DSCAML1: variants seen among roughly 807,000 people sequenced by gnomAD.
DSCAML1 encodes the protein DS cell adhesion molecule like 1, also known as cell adhesion molecule DSCAML1.
Under a neutral mutation model 200.5 loss-of-function variants are expected in DSCAML1, and 38 were observed. That is an observed-to-expected ratio of 0.19 (90% confidence interval 0.15 to 0.25). DSCAML1 has a LOEUF of 0.25. DSCAML1 is among the 10% of genes least tolerant of loss of function. The probability of loss-of-function intolerance (pLI) is 1.00; values close to 1 mark genes in which losing one functional copy is unlikely to be tolerated. For missense variants in DSCAML1, 2,223 were observed against 2,858.8 expected (o/e 0.78, Z 5.07); for synonymous variants, 1,215 against 1,165.0 (o/e 1.04, Z -0.87).
intron 3 of DSCAML1, among the ~76,000 whole-genome samples, chr11:117,620,029 A>T (rs762637609): frequency 3.3e-5 from 5 of 152,352 alleles, no homozygotes; most frequent in Non-Finnish European, 7.3e-5. Flanking sequence ...AAAAATTAGC[A>T]AATTTCGTGA....
At chr11:117,497,027 C>T (rs1394331166) in intron 11 of DSCAML1, among the ~76,000 whole-genome samples, 1 of 152,158 alleles carries the variant, frequency 6.6e-6, no homozygotes, top group Non-Finnish European at 1.5e-5. Flanking sequence ...TTCATCTTTC[C>T]TATAGCTCCC....
chr11:117,548,473 G>A (rs1256550162), intron 3 of DSCAML1, among the ~76,000 whole-genome samples: 1 of 152,176 alleles, frequency 6.6e-6, no homozygotes, highest in Non-Finnish European at 1.5e-5. Context: ...CTCTCTTAAA[G>A]TCCAGCTAAC....
chr11:117,755,352 A>C (rs544811976), intron 3 of DSCAML1, among the ~76,000 whole-genome samples: 1 of 152,310 alleles, frequency 6.6e-6, no homozygotes, highest in East Asian at 1.9e-4. Flanking sequence ...AAATGTTAGA[A>C]GCTAATCCAG....
intron 4 of DSCAML1, among the ~76,000 whole-genome samples, chr11:117,527,830 T>G (rs2050004964): frequency 6.6e-6 from 1 of 152,218 alleles, no homozygotes; most frequent in Non-Finnish European, 1.5e-5. Context: ...AAAGAATCTC[T>G]GTTCTCTTCC....
Position 117,437,241 on chromosome 11 carries a change from C to T in DSCAML1, c.4601G>A (p.Gly1534Glu). 2 of 1,614,254 alleles carry T rather than the reference C, an allele frequency of 1.2e-6. No individual in the cohort carries two copies. Among genetic ancestry groups the T allele is most frequent in the Non-Finnish European group, 1.7e-6 (2 of 1,180,050 alleles). The change falls in exon 26 of 33, where the codon GGG becomes GAG. Residue 1534 changes from glycine (G) to glutamate (E), a missense_variant. Transcript: ENST00000651296. This position sits in a 1 kb window ranked among gnomAD's most constrained non-coding sequence, Gnocchi z 5.3. Reference protein sequence around the residue: ...AWQGLRANSSGEVFLTELREA... With the variant: ...AWQGLRANSSEEVFLTELREA... The stretch of plus-strand genomic sequence containing the variant: ...TCGCAGTTCCGTCAGAAACACCTCC[C>T]CGGAGCTGTTGGCCCGGAGGCCCTG...
intron 3 of DSCAML1, among the ~76,000 whole-genome samples, chr11:117,742,664 A>G (rs1197886746): frequency 6.6e-6 from 1 of 152,166 alleles, no homozygotes; most frequent in African/African-American, 2.4e-5. Context: ...GACTGTGCAC[A>G]CACTGAGTTC....
chr11:117,757,563 TAGG>T (rs1229363089), intron 3 of DSCAML1, among the ~76,000 whole-genome samples: 2 of 132,976 alleles, frequency 1.5e-5, no homozygotes, highest in African/African-American at 5.5e-5. Context: ...TTTAACCAAT[TAGG>T]AGCCTATACA....
intron 3 of DSCAML1, among the ~76,000 whole-genome samples, chr11:117,565,680 A>T (rs2050743814): frequency 6.6e-6 from 1 of 152,138 alleles, no homozygotes; most frequent in Non-Finnish European, 1.5e-5. Context: ...CCCTGTGCTT[A>T]GGCCCACTGT....
chr11:117,733,849 A>G (rs2054269938), intron 3 of DSCAML1, among the ~76,000 whole-genome samples: 1 of 151,584 alleles, frequency 6.6e-6, no homozygotes, highest in East Asian at 2.0e-4. Context: ...TCAGGGACCA[A>G]TTGCATGCAT....
intron 21 of DSCAML1, among the ~76,000 whole-genome samples, chr11:117,441,979 C>T (rs2048059349): frequency 6.6e-6 from 1 of 151,780 alleles, no homozygotes; most frequent in Non-Finnish European, 1.5e-5. Context: ...GGTGTGTGTG[C>T]ATATGTGTGT....
intron 1 of DSCAML1, among the ~76,000 whole-genome samples, chr11:117,795,997 A>G (rs565312): frequency 0.81 from 123,957 of 152,176 alleles, 50,893 homozygotes; most frequent in Middle Eastern, 0.92. Context: ...GTGCTCCACC[A>G]CGCAAGGGCG....
At chr11:117,434,495 G>A (rs563722998) in intron 27 of DSCAML1, among the ~76,000 whole-genome samples, 20 of 149,858 alleles carry the variant, frequency 1.3e-4, no homozygotes, top group East Asian at 6.0e-4. Flanking sequence ...GTCATCCATC[G>A]ATCTATCAGA....
At chr11:117,745,950 C>T (rs903754592) in intron 3 of DSCAML1, among the ~76,000 whole-genome samples, 5 of 151,998 alleles carry the variant, frequency 3.3e-5, no homozygotes, top group Non-Finnish European at 7.4e-5. Context: ...CGCGGTGGCT[C>T]ACGCCTGTAA....
At chr11:117,542,662 T>C (rs1477039040) in intron 3 of DSCAML1, among the ~76,000 whole-genome samples, 2 of 152,266 alleles carry the variant, frequency 1.3e-5, no homozygotes, top group Admixed American at 6.5e-5. Context: ...CCGAGGTGCA[T>C]GAATCAGTGG....
intron 3 of DSCAML1, among the ~76,000 whole-genome samples, chr11:117,579,027 G>A (rs11602332): frequency 0.32 from 49,303 of 151,918 alleles, 8,324 homozygotes; most frequent in African/African-American, 0.36. Flanking sequence ...TTTCCTTTCT[G>A]CCTTCACCCA....
chr11:117,766,706 C>A (rs1375175575), intron 3 of DSCAML1, among the ~76,000 whole-genome samples: 1 of 152,198 alleles, frequency 6.6e-6, no homozygotes, highest in African/African-American at 2.4e-5. Flanking sequence ...CCAGGGGGTG[C>A]TCTGGAAATG....
intron 3 of DSCAML1, among the ~76,000 whole-genome samples, chr11:117,634,526 C>T (rs1055701201): frequency 6.6e-6 from 1 of 152,162 alleles, no homozygotes; most frequent in South Asian, 2.1e-4. Context: ...CAAGATGTGG[C>T]GGGCCTGGGG....
At chr11:117,806,884 TGGCCAG>T (rs1471251106) in intron 1 of DSCAML1, among the ~76,000 whole-genome samples, 6 of 152,234 alleles carry the variant, frequency 3.9e-5, no homozygotes, top group African/African-American at 1.4e-4. Context: ...AGTTGACTCA[TGGCCAG>T]TTTTTTGTTT....
intron 3 of DSCAML1, among the ~76,000 whole-genome samples, chr11:117,744,657 G>C (rs113560973): frequency 2.6e-5 from 4 of 152,196 alleles, no homozygotes; most frequent in African/African-American, 4.8e-5. Flanking sequence ...CCAGAGCCCC[G>C]GGGGGCAAAG....
Sources: gnomAD v4.1 joint callset for allele counts (sites outside exome capture counted in the v4.1 genomes callset) on GRCh38, gnomAD v4.1.1 for gene constraint, Gnocchi (gnomAD v3.1) non-coding constraint, MANE v1.5 for transcripts, NCBI Gene and HGNC (gene_info 2026-07-23, HGNC 2026-07-21) for gene names.